UPRT: variants seen among roughly 807,000 people sequenced by gnomAD.
The protein encoded by UPRT is RP11-311P8.3.
UPRT carries 5 observed loss-of-function variants against 22.6 expected under a neutral mutation model. The observed-to-expected ratio is 0.22, with a 90% CI of 0.12 to 0.47. The LOEUF (loss-of-function observed/expected upper bound fraction) is 0.47, where lower values mean the gene tolerates loss of function less well. Ranked by LOEUF, UPRT falls within the 20% of genes least tolerant of loss-of-function variation. UPRT has a pLI of 0.99. For missense variants in UPRT, 181 were observed against 239.9 expected, an observed-to-expected ratio of 0.75 and a Z score of 1.62; for synonymous variants, 77 against 87.7, an observed-to-expected ratio of 0.88 and a Z score of 0.68.
At chrX:75,211,917 G>A (rs778487344) in intron 4 of UPRT, among the ~76,000 whole-genome samples, 2 of 111,624 alleles carry the variant, frequency 1.8e-5, no homozygotes, top group African/African-American at 3.3e-5. Context: ...GTGGCTTATA[G>A]GCTTGGGCAA....
At chrX:75,241,123 C>G (rs771156336) in intron 4 of UPRT, among the ~76,000 whole-genome samples, 2 of 109,772 alleles carry the variant, frequency 1.8e-5, no homozygotes, top group South Asian at 7.7e-4. Context: ...AAAAAATCAG[C>G]AGAGTTAACA....
intron 1 of UPRT, chrX:75,156,815 G>T (rs2082181477): frequency 6.4e-6 from 2 of 310,863 alleles, no homozygotes; most frequent in Non-Finnish European, 6.2e-6. Context: ...TTTCTGTCCT[G>T]TAAGGACTTT....
chrX:75,236,014 G>GT (rs2082461834), intron 4 of UPRT, among the ~76,000 whole-genome samples: 1 of 110,850 alleles, frequency 9.0e-6, no homozygotes, highest in Non-Finnish European at 1.9e-5. Context: ...AATTGTCCCT[G>GT]TTTGCAGAAG....
At chrX:75,233,590 A>G (rs368251733) in intron 4 of UPRT, among the ~76,000 whole-genome samples, 2 of 111,397 alleles carry the variant, frequency 1.8e-5, no homozygotes, top group Admixed American at 9.5e-5. Context: ...CGGATCTCTC[A>G]GCAGAAACTC....
chrX:75,274,177 G>T lies in UPRT; in HGVS notation c.-78G>T. ...GAGGCGGGAGCAACCGAGAGAGCACGTGAGCATCTGTCCTTTCTACCCGTT... is the reference window on the plus strand; with the variant it reads ...GAGGCGGGAGCAACCGAGAGAGCACTTGAGCATCTGTCCTTTCTACCCGTT... On this transcript the variant is annotated 5_prime_UTR_variant, in exon 1 of 7. Coordinates refer to ENST00000373383, the MANE Select transcript of UPRT (RefSeq NM_145052.4). 1 of 1,137,617 alleles carries T rather than the reference G, an allele frequency of 8.8e-7. No individual in the cohort carries two copies. Among genetic ancestry groups the T allele is most frequent in the Non-Finnish European group, 1.2e-6 (1 of 857,197 alleles). The allele number at this position is 1,137,617 out of a possible 1,213,427, so 93.8% of individuals were successfully genotyped here.
At chrX:75,287,754 A>C (rs1211922203) in intron 1 of UPRT, among the ~76,000 whole-genome samples, 3 of 111,480 alleles carry the variant, frequency 2.7e-5, no homozygotes, top group African/African-American at 9.8e-5. Context: ...CTAATGTCAC[A>C]CCTAGAGGAA....
intron 4 of UPRT, among the ~76,000 whole-genome samples, chrX:75,298,443 T>C (rs1049473968): frequency 1.8e-5 from 2 of 112,134 alleles, no homozygotes; most frequent in Non-Finnish European, 3.8e-5. Context: ...CCAACCTTTG[T>C]ATAGCAAAAT....
chrX:75,241,669 A>G (rs2082489065), intron 4 of UPRT, among the ~76,000 whole-genome samples: 2 of 112,086 alleles, frequency 1.8e-5, no homozygotes, highest in Non-Finnish European at 3.8e-5. Context: ...ATGTGAAACC[A>G]GAATAAATGC....
chrX:75,259,422 G>A (rs182015937), intron 4 of UPRT, among the ~76,000 whole-genome samples: 5 of 108,689 alleles, frequency 4.6e-5, no homozygotes, highest in South Asian at 4.1e-4. Flanking sequence ...AGAAATGACC[G>A]GATGGAGCTC....
intron 4 of UPRT, among the ~76,000 whole-genome samples, chrX:75,186,080 C>T (rs2082289594): frequency 9.0e-6 from 1 of 110,832 alleles, no homozygotes; most frequent in Admixed American, 9.6e-5. Context: ...AATGTGTTTG[C>T]TCTTGCTTTT....
intron 4 of UPRT, among the ~76,000 whole-genome samples, chrX:75,268,578 TC>T (rs1262311051): frequency 9.0e-6 from 1 of 111,636 alleles, no homozygotes; most frequent in African/African-American, 3.3e-5. Context: ...GTTGGCTTCA[TC>T]CCTGGGATGC....
At chrX:75,184,636 A>C (rs2082282741) in intron 4 of UPRT, among the ~76,000 whole-genome samples, 1 of 107,607 alleles carries the variant, frequency 9.3e-6, no homozygotes, top group African/African-American at 3.4e-5. Context: ...TTTTCACGAT[A>C]TTGATTCTTC....
At chrX:75,179,905 A>G (rs1179663221) in intron 4 of UPRT, among the ~76,000 whole-genome samples, 4 of 112,298 alleles carry the variant, frequency 3.6e-5, no homozygotes, top group Non-Finnish European at 7.5e-5. Context: ...CTCTCCCTCC[A>G]CACCTCCCTG....
At chrX:75,251,997 C>T (rs1199926480) in intron 4 of UPRT, among the ~76,000 whole-genome samples, 2 of 112,174 alleles carry the variant, frequency 1.8e-5, no homozygotes, top group African/African-American at 3.2e-5. Flanking sequence ...GCTGGGAAAA[C>T]TGGCTATCCA....
At chrX:75,260,428 C>CA (rs775987532) in intron 4 of UPRT, among the ~76,000 whole-genome samples, 67 of 107,333 alleles carry the variant, frequency 6.2e-4, no homozygotes, top group South Asian at 7.9e-4. Context: ...AAATGGAAAG[C>CA]AAAAAAAAAG....
chrX:75,267,442 G>C (rs182103438), intron 4 of UPRT, among the ~76,000 whole-genome samples: 2 of 111,724 alleles, frequency 1.8e-5, no homozygotes, highest in African/African-American at 6.5e-5. Flanking sequence ...GTGTGAAGGT[G>C]GGAGGGATAG....
chrX:75,271,966 G>A (rs776051460), upstream of UPRT, among the ~76,000 whole-genome samples: 12 of 110,810 alleles, frequency 1.1e-4, no homozygotes, highest in African/African-American at 3.3e-4. Context: ...TTGCAAGAAT[G>A]GCCATAATCA....
At chrX:75,188,094 G>T (rs1344688455) in intron 4 of UPRT, among the ~76,000 whole-genome samples, 1 of 112,133 alleles carries the variant, frequency 8.9e-6, no homozygotes, top group African/African-American at 3.2e-5. Flanking sequence ...AGGAGGAGAG[G>T]TGCTCTGCTT....
intron 4 of UPRT, among the ~76,000 whole-genome samples, chrX:75,247,378 A>T (rs1225277808): frequency 9.0e-6 from 1 of 111,433 alleles, no homozygotes; most frequent in African/African-American, 3.3e-5. Flanking sequence ...GGTCACTCCC[A>T]CTCTAATAAT....
Sources: gnomAD v4.1 joint callset for allele counts (sites outside exome capture counted in the v4.1 genomes callset) on GRCh38, gnomAD v4.1.1 for gene constraint, MANE v1.5 for transcripts, NCBI Gene and HGNC (gene_info 2026-07-23, HGNC 2026-07-21) for gene names.